PCSK6: variants seen among roughly 807,000 people sequenced by gnomAD.
PCSK6 encodes proprotein convertase subtilisin/kexin type 6.
PCSK6 carries 85 observed loss-of-function variants against 123.3 expected under a neutral mutation model. The observed-to-expected ratio is 0.69, with a 90% confidence interval of 0.58 to 0.83. The LOEUF is 0.83. Ranked by LOEUF, PCSK6 falls within the 40% of genes least tolerant of loss-of-function variation. The pLI is 0.00. For synonymous variants in PCSK6, 508 were observed against 516.0 expected (o/e 0.98, Z 0.21); for missense variants, 1,191 against 1,282.3 (o/e 0.93, Z 1.09).
At chr15:101,443,835 A>ACTC (rs2141154108) in intron 1 of PCSK6, among the ~76,000 whole-genome samples, 175 bp from the exon 2 acceptor site, 1 of 152,326 alleles carries the variant, frequency 6.6e-6, no homozygotes, top group South Asian at 2.1e-4. Context: ...TATAAACGTG[A>ACTC]AGGTGGATTC....
intron 6 of PCSK6, among the ~76,000 whole-genome samples, chr15:101,420,660 G>A (rs1319144135): frequency 6.6e-6 from 1 of 152,164 alleles, no homozygotes; most frequent in Non-Finnish European, 1.5e-5. Flanking sequence ...ACTATGCCCA[G>A]CCCATAAAAA....
intron 1 of PCSK6, among the ~76,000 whole-genome samples, chr15:101,463,527 G>A (rs950697649): frequency 1.3e-5 from 2 of 152,116 alleles, no homozygotes; most frequent in African/African-American, 2.4e-5. Context: ...ACTATGTGCC[G>A]TATCTTTCCT....
intron 10 of PCSK6, among the ~76,000 whole-genome samples, chr15:101,382,963 G>T (rs2041950454): frequency 6.6e-6 from 1 of 152,086 alleles, no homozygotes; most frequent in Admixed American, 6.5e-5. Flanking sequence ...GGCACTTAGG[G>T]TAACTATGCT....
At chr15:101,395,301 G>A (rs1293239103) in intron 7 of PCSK6, among the ~76,000 whole-genome samples, 1 of 152,200 alleles carries the variant, frequency 6.6e-6, no homozygotes, top group African/African-American at 2.4e-5. Context: ...ATGCAGACTT[G>A]TGCCCCAAAG....
chr15:101,335,399 G>C (rs992393195), intron 13 of PCSK6, among the ~76,000 whole-genome samples: 2 of 152,198 alleles, frequency 1.3e-5, no homozygotes, highest in Non-Finnish European at 2.9e-5. Flanking sequence ...AGTAGTACTC[G>C]GGGTTTTGAT....
chr15:101,393,824 T>C (rs964141789), intron 7 of PCSK6, among the ~76,000 whole-genome samples: 23 of 152,196 alleles, frequency 1.5e-4, no homozygotes, highest in African/African-American at 5.1e-4. Flanking sequence ...GATGGAAGAA[T>C]TTACAACTTT....
intron 13 of PCSK6, chr15:101,347,313 C>T: frequency 2.4e-6 from 3 of 1,234,268 alleles, no homozygotes; most frequent in Non-Finnish European, 3.0e-6. Flanking sequence ...AAACACAGAT[C>T]AAGATGGCTA....
At chr15:101,378,675 A>G (rs141890100) in intron 11 of PCSK6, among the ~76,000 whole-genome samples, 1 of 152,270 alleles carries the variant, frequency 6.6e-6, no homozygotes, top group East Asian at 1.9e-4. Flanking sequence ...GCCCAGCCCT[A>G]CCTGAGGTCC....
intron 13 of PCSK6, among the ~76,000 whole-genome samples, chr15:101,335,432 T>C (rs1240114806): frequency 1.3e-5 from 2 of 152,244 alleles, no homozygotes; most frequent in Non-Finnish European, 2.9e-5. Context: ...ATAAGTAATA[T>C]ACAAGGATGG....
At chr15:101,377,571 T>G (rs1221142628) in intron 11 of PCSK6, among the ~76,000 whole-genome samples, 1 of 152,226 alleles carries the variant, frequency 6.6e-6, no homozygotes, top group Non-Finnish European at 1.5e-5. Flanking sequence ...GAGCAATGCC[T>G]GGCACACAGT....
intron 6 of PCSK6, among the ~76,000 whole-genome samples, chr15:101,409,993 C>T (rs1412195772): frequency 6.6e-6 from 1 of 152,128 alleles, no homozygotes; most frequent in East Asian, 1.9e-4. Flanking sequence ...AGTGCAGTGC[C>T]ACAATCATTG....
chr15:101,352,810 G>A (rs62021280), intron 13 of PCSK6, among the ~76,000 whole-genome samples: 33,618 of 152,154 alleles, frequency 0.22, 3,923 homozygotes, highest in South Asian at 0.3. Flanking sequence ...CTGTGTTAAA[G>A]TGACGGCTAA....
chr15:101,325,069 G>T (rs763495054), intron 16 of PCSK6, 23 bp from the exon 17 acceptor site: 8 of 1,577,872 alleles, frequency 5.1e-6, no homozygotes, highest in Non-Finnish European at 6.0e-6. Flanking sequence ...AGGCAGGAGG[G>T]TGAGGGCCTT....
chr15:101,468,291 T>G (rs1387242808), intron 1 of PCSK6, among the ~76,000 whole-genome samples: 1 of 152,150 alleles, frequency 6.6e-6, no homozygotes, highest in Non-Finnish European at 1.5e-5. Flanking sequence ...GTCACCATCA[T>G]CATCATCGTC....
intron 6 of PCSK6, among the ~76,000 whole-genome samples, chr15:101,410,758 G>T (rs2042922813): frequency 6.6e-6 from 1 of 152,212 alleles, no homozygotes; most frequent in Non-Finnish European, 1.5e-5. Context: ...AGGCTTCAGG[G>T]CAACAGGCCT....
At chr15:101,343,451 A>T (rs1287801824) in intron 13 of PCSK6, among the ~76,000 whole-genome samples, 1 of 150,674 alleles carries the variant, frequency 6.6e-6, no homozygotes, top group African/African-American at 2.4e-5. Context: ...AATTTTCAGG[A>T]TTTTCTCTTT....
chr15:101,473,311 T>C lies in PCSK6; in HGVS notation c.297+16063A>G, dbSNP rs181137795. 1.4e-3 allele frequency among the ~76,000 whole-genome samples: 220 copies of C among 152,276 alleles called. 1 individual carries two copies. Among genetic ancestry groups the C allele is most frequent in the African/African-American group, 5.0e-3 (208 of 41,554 alleles). On this transcript the variant is annotated intron_variant, in intron 1 of 21. Transcript: ENST00000611716. ...AGGCTGGAGTACAGTGGCATGATCA[T>C]AGCTCACTACAGCCTCGAACTTCTG...
intron 18 of PCSK6, 107 bp downstream of exon 18, chr15:101,322,413 C>T: frequency 1.3e-6 from 1 of 750,526 alleles, no homozygotes; most frequent in South Asian, 1.7e-5. Context: ...GGCTTTGGGC[C>T]TCTGACAGTT....
At chr15:101,367,128 G>A (rs1341856745) in intron 12 of PCSK6, among the ~76,000 whole-genome samples, 1 of 152,072 alleles carries the variant, frequency 6.6e-6, no homozygotes, top group Non-Finnish European at 1.5e-5. Context: ...TTCCCAACTC[G>A]AAGGTCTTTC....
Sources: allele counts gnomAD v4.1 joint callset (sites outside exome capture counted in the v4.1 genomes callset), GRCh38; gene constraint gnomAD v4.1.1; transcripts MANE v1.5; gene names NCBI Gene and HGNC (gene_info 2026-07-23, HGNC 2026-07-21).